The following ADGRB3 variants were observed in gnomAD, a reference collection of about 807,000 sequenced individuals.
The protein encoded by ADGRB3 is brain-specific angiogenesis inhibitor 3.
In ADGRB3, 37 loss-of-function variants were observed where a neutral mutation model predicts 193.4. That is an observed-to-expected ratio of 0.19 (90% CI 0.15 to 0.25). ADGRB3 has a LOEUF of 0.25. ADGRB3 is among the 10% of genes least tolerant of loss of function. The pLI is 1.00. For missense variants in ADGRB3, 1,637 were observed against 1,852.9 expected (o/e 0.88, Z 2.14); for synonymous variants, 690 against 644.2 (o/e 1.07, Z -1.08).
intron 3 of ADGRB3, among the ~76,000 whole-genome samples, chr6:68,800,667 T>C (rs1440288749): frequency 1.3e-5 from 2 of 152,156 alleles, no homozygotes; most frequent in African/African-American, 4.8e-5. Flanking sequence ...TCAACTATGT[T>C]AGTTGCTGCC....
At chr6:69,059,123 A>C (rs906709048) in intron 15 of ADGRB3, among the ~76,000 whole-genome samples, 2 of 151,968 alleles carry the variant, frequency 1.3e-5, no homozygotes, top group Non-Finnish European at 2.9e-5. Context: ...TTTGCTTCAC[A>C]TGTTTGGGTG....
chr6:69,120,055 A>G (rs1773640837), intron 17 of ADGRB3, among the ~76,000 whole-genome samples: 2 of 152,166 alleles, frequency 1.3e-5, no homozygotes. Flanking sequence ...TTTAGAATGT[A>G]TGGAAATAGG....
At chr6:69,338,207 G>A (rs1469936195) in intron 24 of ADGRB3, among the ~76,000 whole-genome samples, 1 of 152,134 alleles carries the variant, frequency 6.6e-6, no homozygotes, top group Non-Finnish European at 1.5e-5. Context: ...TAAATACTAG[G>A]AGGTTGGAGT....
At chr6:68,785,555 G>A (rs780390747) in intron 3 of ADGRB3, among the ~76,000 whole-genome samples, 17 of 150,764 alleles carry the variant, frequency 1.1e-4, no homozygotes, top group Non-Finnish European at 2.2e-4. Flanking sequence ...CCAGTCTATC[G>A]TTGTTGGACA....
intron 3 of ADGRB3, among the ~76,000 whole-genome samples, chr6:68,686,071 AT>A (rs1175704498): frequency 2.0e-5 from 3 of 152,162 alleles, no homozygotes; most frequent in African/African-American, 4.8e-5. Flanking sequence ...CTTTCTTAAG[AT>A]TAGGAAGCAA....
At chr6:68,981,501 A>C (rs922848062) in intron 10 of ADGRB3, among the ~76,000 whole-genome samples, 3 of 151,720 alleles carry the variant, frequency 2.0e-5, no homozygotes, top group African/African-American at 4.8e-5. Context: ...TATGCCTGTA[A>C]AACTTTCAAT....
At chr6:69,232,596 C>T (rs1766167130) in intron 17 of ADGRB3, 2 of 1,535,526 alleles carry the variant, frequency 1.3e-6, no homozygotes, top group Non-Finnish European at 1.7e-6. Flanking sequence ...CAGAGGCGAG[C>T]TGGACTGAGT....
chr6:69,356,208 A>G (rs1769334614), intron 28 of ADGRB3, among the ~76,000 whole-genome samples: 2 of 152,182 alleles, frequency 1.3e-5, no homozygotes, highest in Admixed American at 1.3e-4. Context: ...GCAACCCTCC[A>G]GAATGGGCAA....
At chr6:69,288,962 C>G (rs576244081) in intron 20 of ADGRB3, among the ~76,000 whole-genome samples, 1 of 152,086 alleles carries the variant, frequency 6.6e-6, no homozygotes, top group African/African-American at 2.4e-5. Flanking sequence ...TGTGTGTACA[C>G]CCCCAACCCT....
chr6:69,111,712 A>G (rs1773371456), intron 17 of ADGRB3, among the ~76,000 whole-genome samples: 1 of 152,218 alleles, frequency 6.6e-6, no homozygotes, highest in African/African-American at 2.4e-5. Context: ...TGAAACCAAG[A>G]TAATTTTAAT....
chr6:68,913,827 C>T (rs1467524457), intron 3 of ADGRB3, among the ~76,000 whole-genome samples: 2 of 151,982 alleles, frequency 1.3e-5, no homozygotes, highest in African/African-American at 4.8e-5. Flanking sequence ...ACTAGAATAA[C>T]CAATACAGAG....
At chr6:68,795,286 A>G (rs1767184792) in intron 3 of ADGRB3, among the ~76,000 whole-genome samples, 1 of 152,124 alleles carries the variant, frequency 6.6e-6, no homozygotes, top group Non-Finnish European at 1.5e-5. Context: ...AAGAAAAAAT[A>G]GAAAATTAAA....
chr6:68,986,306 C>CTT (rs918155370), intron 10 of ADGRB3, among the ~76,000 whole-genome samples: 3 of 152,126 alleles, frequency 2.0e-5, no homozygotes, highest in Admixed American at 2.0e-4. Flanking sequence ...ATCTGAAGCA[C>CTT]TTTTGGCCAA....
chr6:69,099,777 G>C (rs1443461042), intron 17 of ADGRB3, among the ~76,000 whole-genome samples: 1 of 152,062 alleles, frequency 6.6e-6, no homozygotes, highest in African/African-American at 2.4e-5. Context: ...CTATGCACTG[G>C]GGCAAGACAG....
intron 20 of ADGRB3, among the ~76,000 whole-genome samples, chr6:69,252,504 A>T (rs1321085415): frequency 2.6e-5 from 4 of 152,158 alleles, no homozygotes; most frequent in African/African-American, 7.2e-5. Context: ...GGTTTTCCAA[A>T]ATGGTCATAC....
At chr6:69,385,895 G>A (rs2127242486) in intron 31 of ADGRB3, among the ~76,000 whole-genome samples, 1 of 152,096 alleles carries the variant, frequency 6.6e-6, no homozygotes, top group African/African-American at 2.4e-5. Flanking sequence ...AGGACGATGA[G>A]TCGCTCCTGG....
chr6:69,233,218 A>T (rs1320398331), intron 17 of ADGRB3, 72 bp from the exon 18 acceptor site: 1 of 1,569,506 alleles, frequency 6.4e-7, no homozygotes, highest in South Asian at 1.2e-5. Context: ...ATTAAACTGC[A>T]TTTTCTTCTT....
chr6:69,138,811 T>C (rs943771845), intron 17 of ADGRB3, among the ~76,000 whole-genome samples: 15 of 152,326 alleles, frequency 9.8e-5, no homozygotes, highest in African/African-American at 2.6e-4. Context: ...GAAATTCACA[T>C]CATAATTCAA....
At chr6:68,883,514 T>C (rs1765798520) in intron 3 of ADGRB3, among the ~76,000 whole-genome samples, 2 of 152,186 alleles carry the variant, frequency 1.3e-5, no homozygotes, top group South Asian at 2.1e-4. Context: ...CTTTATGAGC[T>C]GTAACACTCA....
Sources: gnomAD v4.1 joint callset for allele counts (sites outside exome capture counted in the v4.1 genomes callset) on GRCh38, gnomAD v4.1.1 for gene constraint, MANE v1.5 for transcripts, NCBI Gene and HGNC (gene_info 2026-07-23, HGNC 2026-07-21) for gene names.